The following ANKRD6 variants were observed in gnomAD, a reference collection of about 807,000 sequenced individuals.
ANKRD6 encodes ankyrin repeat domain 6, also known as ankyrin repeat domain-containing protein 6.
A neutral mutation model predicts 82.3 loss-of-function variants in ANKRD6; 56 were observed. The observed-to-expected ratio is 0.68, with a 90% CI of 0.55 to 0.85. The LOEUF is 0.85. Among genes scored for constraint, ANKRD6 ranks in the 40% least tolerant of loss-of-function variants. ANKRD6 has a pLI of 0.00. For missense variants in ANKRD6, 852 were observed against 907.6 expected, an observed-to-expected ratio of 0.94 and a Z score of 0.79; for synonymous variants, 347 against 352.1, an observed-to-expected ratio of 0.99 and a Z score of 0.16.
chr6:89,615,128 T>C (rs1801224117), intron 7 of ANKRD6, among the ~76,000 whole-genome samples: 2 of 151,620 alleles, frequency 1.3e-5, no homozygotes. Context: ...GTACATTGTT[T>C]CACTTTTCTT....
intron 2 of ANKRD6, among the ~76,000 whole-genome samples, chr6:89,592,903 G>A (rs779392586): frequency 1.1e-4 from 16 of 151,940 alleles, no homozygotes; most frequent in African/African-American, 3.4e-4. Context: ...GGTGAAACCC[G>A]TCTCTACTAA....
In ANKRD6 at chr6:89,633,605, A is replaced by G. The variant is rs1001331580; in HGVS notation, c.*2601A>G. On this transcript the variant is annotated 3_prime_UTR_variant, in exon 16 of 16. Transcript: ENST00000339746. ...TTGTTAGTGCATTATTGAGTATACT[A>G]AATATCTGTGATTAAATAAATTAGT... The G allele has an allele frequency of 1.3e-5, 2 of 152,348 alleles. No homozygotes were observed. Among genetic ancestry groups the G allele is most frequent in the African/African-American group, 4.8e-5 (2 of 41,584 alleles). 9.4% of individuals were successfully genotyped at this position (152,348 alleles called of 1,614,324 possible). A position where few individuals can be genotyped will look rare whatever the true frequency, so the allele number is the denominator to read the frequency against.
intron 1 of ANKRD6, among the ~76,000 whole-genome samples, chr6:89,530,051 C>T (rs1444869647): frequency 2.0e-5 from 3 of 151,768 alleles, no homozygotes; most frequent in Non-Finnish European, 2.9e-5. Context: ...CCCAGGAGGT[C>T]GAGACCAGCC....
At position 89,630,213 on chromosome 6, in the gene ANKRD6, A is replaced by G. The variant is rs142565520; in HGVS notation, c.1613-220A>G. ...GACCAGTGTGGCTAACACAGAATCCATGAAAGCTCTGACAAGCCAAAGTGA... is the reference window on the plus strand; with the variant it reads ...GACCAGTGTGGCTAACACAGAATCCGTGAAAGCTCTGACAAGCCAAAGTGA... On this transcript the variant is annotated intron_variant, in intron 15 of 15. Transcript: ENST00000339746. 1.2e-3 allele frequency among the ~76,000 whole-genome samples: 190 copies of G among 152,328 alleles called. 2 individuals are homozygous for G. In the East Asian group the frequency reaches 0.031, roughly 24 times the overall value.
At chr6:89,465,455 G>C (rs987732670) in intron 1 of ANKRD6, among the ~76,000 whole-genome samples, 2 of 151,932 alleles carry the variant, frequency 1.3e-5, no homozygotes, top group Non-Finnish European at 2.9e-5. Context: ...TATTTGCAAA[G>C]GGATTAAGAA....
intron 1 of ANKRD6, among the ~76,000 whole-genome samples, chr6:89,485,739 T>A (rs1031218900): frequency 1.3e-5 from 2 of 152,134 alleles, no homozygotes; most frequent in Non-Finnish European, 2.9e-5. Context: ...GTGTCTAAAT[T>A]TTTTGGTAGG....
At chr6:89,617,919 C>A (rs1180199486) in intron 8 of ANKRD6, 35 bp from the exon 9 acceptor site, 2 of 1,603,570 alleles carry the variant, frequency 1.2e-6, no homozygotes, top group Non-Finnish European at 1.7e-6. Context: ...GGACCCGTGG[C>A]CCTTTCTCAC....
At chr6:89,539,730 T>C (rs1305158261) in intron 1 of ANKRD6, among the ~76,000 whole-genome samples, 1 of 151,718 alleles carries the variant, frequency 6.6e-6, no homozygotes, top group Non-Finnish European at 1.5e-5. Context: ...TATCAAATAG[T>C]AGGTCTTATT....
chr6:89,623,784 C>A, intron 11 of ANKRD6, 88 bp from the exon 12 acceptor site: 7 of 1,434,258 alleles, frequency 4.9e-6, no homozygotes, highest in African/African-American at 1.4e-5. Flanking sequence ...GGCTCTTTGC[C>A]CAAATGGGGT....
rs186069988 is a variant in ANKRD6 at position 89,624,544 on chromosome 6, A to G, written c.1224A>G (p.Pro408=). ...RGKDGKVMQA[P]INGCRCEPLI... is the part of the protein sequence containing the mutation. ...CTTTTTTGTTTCTCTCTTAGGCACCAATAAATGGTTGTCGATGTGAACCTC... is the reference window on the plus strand; with the variant it reads ...CTTTTTTGTTTCTCTCTTAGGCACCGATAAATGGTTGTCGATGTGAACCTC... Residue 408 remains proline, a synonymous_variant, in exon 13 of 16, where the codon CCA becomes CCG. Transcript: ENST00000339746. 171 of 1,552,582 alleles carry G rather than the reference A, an allele frequency of 1.1e-4. 1 individual carries two copies. The East Asian group carries it at 1.6e-3, about 14-fold the overall frequency.
chr6:89,565,723 A>G (rs1720862619), intron 1 of ANKRD6, among the ~76,000 whole-genome samples: 1 of 152,236 alleles, frequency 6.6e-6, no homozygotes, highest in Admixed American at 6.5e-5. Context: ...GGATGGCTGC[A>G]TCTTCCAGAC....
chr6:89,527,812 T>TG (rs896974906), intron 1 of ANKRD6, among the ~76,000 whole-genome samples: 3 of 152,086 alleles, frequency 2.0e-5, no homozygotes, highest in African/African-American at 7.2e-5. Flanking sequence ...TTTGTTTTTT[T>TG]GTTTTGTTTT....
At chr6:89,563,729 C>T (rs1235973864) in intron 1 of ANKRD6, among the ~76,000 whole-genome samples, 2 of 152,056 alleles carry the variant, frequency 1.3e-5, no homozygotes, top group African/African-American at 2.4e-5. Context: ...CCCACCCCTG[C>T]AACACACACA....
chr6:89,510,303 CATA>C (rs1780380039), intron 1 of ANKRD6, among the ~76,000 whole-genome samples: 1 of 151,932 alleles, frequency 6.6e-6, no homozygotes. Context: ...TCTTGAGTCA[CATA>C]ATAATCTCTG....
chr6:89,453,382 A>G (rs1773093795), intron 1 of ANKRD6, among the ~76,000 whole-genome samples: 1 of 152,226 alleles, frequency 6.6e-6, no homozygotes, highest in South Asian at 2.1e-4. Context: ...GCAACATTAG[A>G]ATAAAAGGTT....
At chr6:89,552,622 T>C (rs10944451) in intron 1 of ANKRD6, among the ~76,000 whole-genome samples, 23,769 of 152,126 alleles carry the variant, frequency 0.16, 2,016 homozygotes, top group South Asian at 0.34. Flanking sequence ...TTGTTGACTT[T>C]ACATAGGCAT....
intron 10 of ANKRD6, among the ~76,000 whole-genome samples, chr6:89,622,393 T>C (rs1431134750): frequency 2.0e-5 from 3 of 152,212 alleles, no homozygotes; most frequent in Non-Finnish European, 4.4e-5. Flanking sequence ...GTGTGTCACC[T>C]GGGACCTTAT....
chr6:89,497,057 A>G (rs192166462), intron 1 of ANKRD6, among the ~76,000 whole-genome samples: 63 of 152,302 alleles, frequency 4.1e-4, no homozygotes, highest in Middle Eastern at 3.4e-3. Flanking sequence ...CTTGTCAGGG[A>G]TGCTTTCTCT....
intron 1 of ANKRD6, among the ~76,000 whole-genome samples, chr6:89,498,527 T>C (rs918251781): frequency 1.1e-5 from 1 of 88,406 alleles, no homozygotes; most frequent in African/African-American, 3.4e-5. Context: ...TATATATATA[T>C]TTTTTTTTAC....
Sources: allele counts gnomAD v4.1 joint callset (sites outside exome capture counted in the v4.1 genomes callset), GRCh38; gene constraint gnomAD v4.1.1; transcripts MANE v1.5; gene names NCBI Gene and HGNC (gene_info 2026-07-23, HGNC 2026-07-21).